TMEM87A: variants seen among roughly 807,000 people sequenced by gnomAD.
TMEM87A encodes the protein Golgi-pH regulating cation channel.
A neutral mutation model predicts 90.0 loss-of-function variants in TMEM87A; 50 were observed. The observed-to-expected ratio is 0.56, with a 90% CI of 0.44 to 0.70. The LOEUF is 0.70. TMEM87A is among the 30% of genes least tolerant of loss of function. TMEM87A has a pLI of 0.00. For missense variants in TMEM87A, 577 were observed against 660.5 expected (o/e 0.87, Z 1.39); for synonymous variants, 226 against 226.7 (o/e 1.00, Z 0.03).
intron 18 of TMEM87A, 85 bp from the exon 19 acceptor site, chr15:42,217,918 A>G: frequency 7.4e-7 from 1 of 1,343,938 alleles, no homozygotes; most frequent in East Asian, 2.4e-5. Flanking sequence ...AATGCAATTA[A>G]AAGCTTTATA....
At chr15:42,270,648 C>G (rs10518757) in intron 2 of TMEM87A, among the ~76,000 whole-genome samples, 4 of 152,020 alleles carry the variant, frequency 2.6e-5, no homozygotes, top group African/African-American at 9.7e-5. Flanking sequence ...TCAAACTACA[C>G]GAGAAAAAAA....
intron 2 of TMEM87A, among the ~76,000 whole-genome samples, chr15:42,268,338 C>A (rs1181079880): frequency 6.6e-6 from 1 of 152,124 alleles, no homozygotes; most frequent in Non-Finnish European, 1.5e-5. Context: ...AGTGATAAAG[C>A]ACTCTAAATT....
At chr15:42,251,784 G>C (rs1282039240) in intron 6 of TMEM87A, among the ~76,000 whole-genome samples, 2 of 152,234 alleles carry the variant, frequency 1.3e-5, no homozygotes, top group Non-Finnish European at 2.9e-5. Flanking sequence ...CTTCAGAGCT[G>C]TCAGACAGGG....
chr15:42,228,713 T>C lies in TMEM87A; in HGVS notation c.1239A>G (p.Ala413=), dbSNP rs769214670. 2 of 1,613,574 alleles carry C rather than the reference T, an allele frequency of 1.2e-6. No homozygotes were observed. Among genetic ancestry groups the C allele is most frequent in the Admixed American group, 3.3e-5 (2 of 59,990 alleles). ...HFTNTLILAV[A]ASIVFIIWTT... Reference sequence around the variant, plus strand: ...CCAAGAAGAAAGTCCCAGACTTACCTGCCACTGCCAAAATAAGCGTGTTGG... The same window carrying C: ...CCAAGAAGAAAGTCCCAGACTTACCCGCCACTGCCAAAATAAGCGTGTTGG... Residue 413 remains alanine, a splice_region_variant and synonymous_variant, in exon 13 of 20, where the codon GCA becomes GCG. Transcript: ENST00000389834.
At chr15:42,258,935 A>T (rs2051233961) in intron 6 of TMEM87A, 1 of 1,163,214 alleles carries the variant, frequency 8.6e-7, no homozygotes, top group Non-Finnish European at 1.3e-6. Context: ...AACTTTGGAA[A>T]TTATTAAAGT....
At chr15:42,256,273 T>C (rs1260131330) in intron 6 of TMEM87A, among the ~76,000 whole-genome samples, 1 of 152,124 alleles carries the variant, frequency 6.6e-6, no homozygotes, top group African/African-American at 2.4e-5. Flanking sequence ...CCCAAGTAGC[T>C]GGGATTACAG....
chr15:42,269,665 G>A (rs973103242), intron 2 of TMEM87A, among the ~76,000 whole-genome samples: 10 of 152,098 alleles, frequency 6.6e-5, no homozygotes, highest in Non-Finnish European at 1.2e-4. Context: ...GGTCGGGCGC[G>A]GTGGCTCACG....
chr15:42,245,556 G>A (rs1458402800), intron 6 of TMEM87A, among the ~76,000 whole-genome samples: 2 of 127,168 alleles, frequency 1.6e-5, no homozygotes, highest in South Asian at 2.4e-4. Flanking sequence ...GCAGAGTCTC[G>A]CTCCATCGCC....
chr15:42,241,445 T>C (rs1288600197), intron 7 of TMEM87A, among the ~76,000 whole-genome samples: 1 of 152,208 alleles, frequency 6.6e-6, no homozygotes, highest in Non-Finnish European at 1.5e-5. Flanking sequence ...ATGTGTGGTA[T>C]ATTTAAAGAA....
chr15:42,224,038 T>G (rs2050544840), intron 15 of TMEM87A, among the ~76,000 whole-genome samples: 1 of 152,230 alleles, frequency 6.6e-6, no homozygotes, highest in African/African-American at 2.4e-5. Context: ...CAGTGTGTAG[T>G]GAGAACCTAA....
At chr15:42,263,608 C>T (rs532819362) in intron 4 of TMEM87A, among the ~76,000 whole-genome samples, 28 of 152,092 alleles carry the variant, frequency 1.8e-4, no homozygotes, top group Admixed American at 3.9e-4. Flanking sequence ...ATTAGCCAGG[C>T]GTAATGGTGT....
intron 15 of TMEM87A, among the ~76,000 whole-genome samples, chr15:42,226,313 T>A (rs900818558): frequency 1.5e-5 from 2 of 129,036 alleles, no homozygotes; most frequent in Non-Finnish European, 1.5e-5. Flanking sequence ...GTGTCGGTAT[T>A]TTTTTTTTTT....
chr15:42,227,630 T>C, intron 14 of TMEM87A, 81 bp downstream of exon 14: 1 of 1,322,202 alleles, frequency 7.6e-7, no homozygotes, highest in Non-Finnish European at 1.1e-6. Context: ...GTATATAACT[T>C]AGAAGAACCT....
chr15:42,258,939 T>A (rs534220837), intron 6 of TMEM87A: 2 of 1,145,858 alleles, frequency 1.7e-6, no homozygotes, highest in South Asian at 1.3e-5. Flanking sequence ...TTGGAAATTA[T>A]TAAAGTCTTT....
chr15:42,226,363 T>C (rs2050594024), intron 15 of TMEM87A, among the ~76,000 whole-genome samples: 1 of 152,102 alleles, frequency 6.6e-6, no homozygotes, highest in South Asian at 2.1e-4. Flanking sequence ...GTGCATATAT[T>C]TTTTAGACAT....
Position 42,268,076 on chromosome 15 carries a change from C to G in TMEM87A, c.206-44G>C. On this transcript the variant is annotated intron_variant, in intron 2 of 19. Coordinates refer to ENST00000389834, the MANE Select transcript of TMEM87A (RefSeq NM_015497.5). ...TTGTTAACAAAAGATAATTCCCCAACAAAGCATTTTTCCTAAGCTGTTAAC... is the reference window on the plus strand; with the variant it reads ...TTGTTAACAAAAGATAATTCCCCAAGAAAGCATTTTTCCTAAGCTGTTAAC... 3.2e-6 allele frequency: 5 copies of G among 1,553,208 alleles called. 1 individual carries two copies. In the South Asian group the frequency reaches 4.5e-5, roughly 14 times the overall value.
In TMEM87A at chr15:42,247,821, A is replaced by G. The variant is rs187856345; in HGVS notation, c.505-3654T>C. 1.6e-4 allele frequency among the ~76,000 whole-genome samples: 25 copies of G among 152,268 alleles called. No individual in the cohort carries two copies. The East Asian group carries it at 4.0e-3, about 25-fold the overall frequency. On this transcript the variant is annotated intron_variant, in intron 6 of 19. Coordinates refer to ENST00000389834, the MANE Select transcript of TMEM87A (RefSeq NM_015497.5). ...CGAAGTATTTTTTCCAATTCTGTGA[A>G]GAAAGTCATTGGTAGCTTGATGGGG...
rs1366342034 is a variant in TMEM87A at position 42,237,628 on chromosome 15, T to G, written c.685-13A>C. 2 of 1,556,178 alleles carry G rather than the reference T, an allele frequency of 1.3e-6. No individual in the cohort carries two copies. Among genetic ancestry groups the G allele is most frequent in the Non-Finnish European group, 1.7e-6 (2 of 1,148,622 alleles). On this transcript the variant is annotated splice_polypyrimidine_tract_variant and intron_variant, in intron 8 of 19. Transcript: ENST00000389834. The stretch of plus-strand genomic sequence containing the variant: ...TCACCATGAAAAACTGTTATCAAAT[T>G]GGGTAAAAGATAAAAAGGAGAATTA...
At chr15:42,228,904 G>T in intron 12 of TMEM87A, 84 bp from the exon 13 acceptor site, 2 of 955,922 alleles carry the variant, frequency 2.1e-6, no homozygotes, top group Non-Finnish European at 3.1e-6. Flanking sequence ...AGGATCTGGG[G>T]TCATGCCAAT....
Sources: allele counts gnomAD v4.1 joint callset (sites outside exome capture counted in the v4.1 genomes callset), GRCh38; gene constraint gnomAD v4.1.1; transcripts MANE v1.5; gene names NCBI Gene and HGNC (gene_info 2026-07-23, HGNC 2026-07-21).